HHAT: variants seen among roughly 807,000 people sequenced by gnomAD.
The protein encoded by HHAT is hedgehog acyltransferase.
Under a neutral mutation model 70.8 loss-of-function variants are expected in HHAT, and 47 were observed. That is an observed-to-expected ratio of 0.66 (90% CI 0.53 to 0.85). HHAT has a LOEUF of 0.85. Among genes scored for constraint, HHAT ranks in the 40% least tolerant of loss-of-function variants. HHAT has a pLI of 0.00. For synonymous variants in HHAT, 228 were observed against 247.6 expected (o/e 0.92, Z 0.74); for missense variants, 609 against 604.8 (o/e 1.01, Z -0.07).
chr1:210,540,351 A>G (rs933283409), intron 9 of HHAT, among the ~76,000 whole-genome samples: 39 of 152,308 alleles, frequency 2.6e-4, no homozygotes, highest in African/African-American at 9.4e-4. Flanking sequence ...ATGAACATTC[A>G]TACAATGTTG....
chr1:210,376,737 A>G (rs2090255579), intron 3 of HHAT, among the ~76,000 whole-genome samples: 1 of 152,148 alleles, frequency 6.6e-6, no homozygotes, highest in African/African-American at 2.4e-5. Context: ...CTAATGGGCA[A>G]AGGGGACAGA....
At chr1:210,456,467 C>G (rs754891394) in intron 7 of HHAT, among the ~76,000 whole-genome samples, 16 of 152,212 alleles carry the variant, frequency 1.1e-4, no homozygotes, top group Non-Finnish European at 7.3e-5. Flanking sequence ...AGAGGGTCAA[C>G]TACCGGATGT....
At chr1:210,556,389 G>A (rs2095572977) in intron 9 of HHAT, among the ~76,000 whole-genome samples, 1 of 152,180 alleles carries the variant, frequency 6.6e-6, no homozygotes, top group Non-Finnish European at 1.5e-5. Context: ...TCTAGCTGTG[G>A]TCAGTCCTCA....
At position 210,545,080 on chromosome 1, in the gene HHAT, T is replaced by TA. The variant is rs552542090; in HGVS notation, c.1043+31904dup. Reference sequence around the variant, plus strand: ...CTCCATATTGTAATGAGAATGGCTTTAAAAAAAAAAAACCACACAATTCTG... The same window carrying TA: ...CTCCATATTGTAATGAGAATGGCTTTAAAAAAAAAAAAACCACACAATTCTG... On this transcript the variant is annotated intron_variant, in intron 9 of 11. Transcript: ENST00000261458. 8.5e-3 allele frequency among the ~76,000 whole-genome samples: 1,234 copies of TA among 145,720 alleles called. 11 individuals are homozygous for TA. Among genetic ancestry groups the TA allele is most frequent in the African/African-American group, 0.024 (949 of 39,988 alleles).
intron 4 of HHAT, among the ~76,000 whole-genome samples, chr1:210,393,213 A>G (rs2294843): frequency 0.12 from 17,719 of 152,196 alleles, 1,341 homozygotes; most frequent in East Asian, 0.29. Context: ...ACATGAGGAC[A>G]GCCCAATAGA....
intron 8 of HHAT, among the ~76,000 whole-genome samples, chr1:210,471,466 T>C (rs1377970379): frequency 1.3e-5 from 2 of 151,762 alleles, no homozygotes; most frequent in African/African-American, 2.4e-5. Flanking sequence ...AATTCAGACT[T>C]GGCTAGGAGA....
intron 7 of HHAT, among the ~76,000 whole-genome samples, chr1:210,433,109 C>G (rs1218732081): frequency 6.6e-6 from 1 of 151,770 alleles, no homozygotes; most frequent in Non-Finnish European, 1.5e-5. Flanking sequence ...TCCTTCATCT[C>G]TAAATCTCAG....
chr1:210,380,335 G>A (rs1558397923), intron 3 of HHAT, among the ~76,000 whole-genome samples: 1 of 152,108 alleles, frequency 6.6e-6, no homozygotes, highest in Non-Finnish European at 1.5e-5. Context: ...GCAGTCAGGA[G>A]TTCAAGATTA....
At chr1:210,478,029 C>A (rs1271213594) in intron 8 of HHAT, among the ~76,000 whole-genome samples, 1 of 152,158 alleles carries the variant, frequency 6.6e-6, no homozygotes, top group Non-Finnish European at 1.5e-5. Flanking sequence ...ATTAGGTCCC[C>A]TTCTTGCAGT....
intron 3 of HHAT, among the ~76,000 whole-genome samples, chr1:210,366,147 C>G (rs2088940118): frequency 6.6e-6 from 1 of 152,058 alleles, no homozygotes; most frequent in Admixed American, 6.6e-5. Flanking sequence ...CCAGGCTGGT[C>G]TTGAACTCCT....
intron 7 of HHAT, among the ~76,000 whole-genome samples, chr1:210,424,028 T>C (rs953067894): frequency 2.0e-5 from 3 of 152,236 alleles, no homozygotes; most frequent in Non-Finnish European, 4.4e-5. Flanking sequence ...TCAGGATCTT[T>C]TGTGGTTCCA....
intron 1 of HHAT, among the ~76,000 whole-genome samples, chr1:210,332,182 C>G (rs867411840): frequency 1.3e-5 from 2 of 152,186 alleles, no homozygotes; most frequent in Non-Finnish European, 2.9e-5. Flanking sequence ...CTCTTTGGCC[C>G]GAGTAGTGAA....
chr1:210,393,627 A>G (rs2091593673), intron 4 of HHAT, among the ~76,000 whole-genome samples: 1 of 152,156 alleles, frequency 6.6e-6, no homozygotes, highest in African/African-American at 2.4e-5. Context: ...ACCTTTCTGC[A>G]TCTTGTTACC....
At chr1:210,511,295 T>G (rs1313325109) in intron 8 of HHAT, among the ~76,000 whole-genome samples, 1 of 152,156 alleles carries the variant, frequency 6.6e-6, no homozygotes, top group African/African-American at 2.4e-5. Context: ...TCGAATCCCG[T>G]TTTTCCTGAA....
At chr1:210,665,361 A>C (rs185267883) in intron 11 of HHAT, among the ~76,000 whole-genome samples, 49 of 152,298 alleles carry the variant, frequency 3.2e-4, no homozygotes, top group Middle Eastern at 3.4e-3. Flanking sequence ...CTTAGGAGTG[A>C]TGGGAATCTC....
intron 11 of HHAT, among the ~76,000 whole-genome samples, chr1:210,627,284 A>C (rs1669997304): frequency 6.6e-6 from 1 of 152,158 alleles, no homozygotes; most frequent in African/African-American, 2.4e-5. Flanking sequence ...ATGTGTCTTA[A>C]AAGATACACC....
At chr1:210,572,761 G>A (rs1453087171) in intron 9 of HHAT, among the ~76,000 whole-genome samples, 2 of 152,016 alleles carry the variant, frequency 1.3e-5, no homozygotes, top group South Asian at 2.1e-4. Flanking sequence ...GCTGGGCATG[G>A]TGTGTGTACT....
intron 8 of HHAT, among the ~76,000 whole-genome samples, chr1:210,469,188 G>A (rs537671965): frequency 1.3e-4 from 20 of 152,242 alleles, no homozygotes; most frequent in Admixed American, 1.0e-3. Context: ...GCTCTGCACC[G>A]GAGATGTGAT....
chr1:210,483,521 A>C (rs573129329), intron 8 of HHAT, among the ~76,000 whole-genome samples: 1 of 152,286 alleles, frequency 6.6e-6, no homozygotes, highest in Admixed American at 6.5e-5. Context: ...TAGTTCCAGC[A>C]GTTTCTTCCA....
Sources: allele counts gnomAD v4.1 joint callset (sites outside exome capture counted in the v4.1 genomes callset), GRCh38; gene constraint gnomAD v4.1.1; transcripts MANE v1.5; gene names NCBI Gene and HGNC (gene_info 2026-07-23, HGNC 2026-07-21).